AJM1: variants seen among roughly 807,000 people sequenced by gnomAD.
AJM1 encodes apical junction component 1 homolog, also known as uncharacterized protein C9orf172.
In AJM1, 22 loss-of-function variants were observed where a neutral mutation model predicts 43.0. The observed-to-expected ratio is 0.51, with a 90% CI of 0.37 to 0.73. The LOEUF (loss-of-function observed/expected upper bound fraction) is 0.73. Among genes scored for constraint, AJM1 ranks in the 30% least tolerant of loss-of-function variants. The pLI, the probability that AJM1 is intolerant of heterozygous loss-of-function variation, is 0.00. For missense variants in AJM1, 1,305 were observed against 1,343.3 expected, an observed-to-expected ratio of 0.97 and a Z score of 0.45; for synonymous variants, 719 against 638.3, an observed-to-expected ratio of 1.13 and a Z score of -1.91.
chr9:136,842,501 C>T lies in AJM1; in HGVS notation c.-232C>T, dbSNP rs1332656111. On this transcript the variant is annotated 5_prime_UTR_variant, in exon 1 of 3. Transcript: ENST00000436881. The stretch of plus-strand genomic sequence containing the variant: ...GCGCTGCTGCCTGGAAGCTTCTGCC[C>T]GTGCCGGGGACGCAGCAGTGCCGGG... Among the ~76,000 whole-genome samples the T allele has an allele frequency of 1.3e-5, 2 of 152,236 alleles. No homozygotes were observed. Among genetic ancestry groups the T allele is most frequent in the South Asian group, 2.1e-4 (1 of 4,834 alleles).
Position 136,845,914 on chromosome 9 carries a change from C to T in AJM1, c.1500C>T (p.Pro500=), listed in dbSNP as rs1245634269. Residue 500 remains proline (P), a synonymous_variant, in exon 3 of 3, where the codon CCC becomes CCT. Coordinates refer to ENST00000436881, the MANE Select transcript of AJM1 (RefSeq NM_001080482.5). The part of the protein sequence containing the change: ...PPVVVNLSTS[P]RRYAALSLSE... ...TCGTCGTGAACCTGTCCACCTCTCCCAGACGCTACGCCGCACTGTCCCTGT... is the reference window on the plus strand; with the variant it reads ...TCGTCGTGAACCTGTCCACCTCTCCTAGACGCTACGCCGCACTGTCCCTGT... The T allele has an allele frequency of 1.9e-6, 3 of 1,557,572 alleles. No homozygotes were observed. The highest frequency in any genetic ancestry group is 2.6e-6 in the Non-Finnish European group (3 of 1,152,146).
In AJM1 at chr9:136,846,100, C is replaced by A. The variant is rs1326022015; in HGVS notation, c.1686C>A (p.Pro562=). The change falls in exon 3 of 3, where the codon CCC becomes CCA. Residue 562 remains proline, a synonymous_variant. Coordinates refer to ENST00000436881, the MANE Select transcript of AJM1 (RefSeq NM_001080482.5). Reference sequence around the variant, plus strand: ...CCGGGGGCCGCACGCGGCCACCTCCCCACGCGGCCCCCGACGGCCCCACCT... The same window carrying A: ...CCGGGGGCCGCACGCGGCCACCTCCACACGCGGCCCCCGACGGCCCCACCT... ...ELPGGRTRPP[P]HAAPDGPTSG... The A allele has an allele frequency of 6.5e-7, 1 of 1,529,112 alleles. No homozygotes were observed. The highest frequency in any genetic ancestry group is 2.0e-5 in the Admixed American group (1 of 49,476). The allele number at this position is 1,529,112 out of a possible 1,614,324, so 94.7% of individuals were successfully genotyped here. A position where few individuals can be genotyped will look rare whatever the true frequency, so the allele number is the denominator to read the frequency against.
rs752773831 is a variant in AJM1 at position 136,845,528 on chromosome 9, C to T, written c.1114C>T (p.Arg372Cys). 2.5e-6 allele frequency: 4 copies of T among 1,597,596 alleles called. No homozygotes were observed. Among genetic ancestry groups the T allele is most frequent in the Admixed American group, 3.5e-5 (2 of 57,588 alleles). ...PEEPRAHSTA[R>C]PFYTEDFGRY... ...GGAGCCCCGGGCCCACTCCACCGCC[C>T]GCCCCTTTTACACGGAGGACTTCGG... The change falls in exon 3 of 3, where the codon CGC becomes TGC. Residue 372 changes from arginine (R) to cysteine (C), a missense_variant. Around this residue, in one of 6 missense-constraint regions of AJM1, gnomAD observed 653 missense variants for 549.1 expected, o/e 1.19. Transcript: ENST00000436881.
intron 1 of AJM1, among the ~76,000 whole-genome samples, 35 bp from the exon 2 acceptor site, chr9:136,844,161 G>C (rs1036315373): frequency 6.6e-6 from 1 of 152,224 alleles, no homozygotes; most frequent in African/African-American, 2.4e-5. Context: ...GGGACGGGCA[G>C]GACGGGCGCC....
At position 136,846,547 on chromosome 9, in the gene AJM1, G is replaced by A; in HGVS notation, c.2133G>A (p.Val711=). 1 of 1,594,206 alleles carries A rather than the reference G, an allele frequency of 6.3e-7. No individual in the cohort carries two copies. Among genetic ancestry groups the A allele is most frequent in the Non-Finnish European group, 8.5e-7 (1 of 1,177,868 alleles). The part of the protein sequence containing the change: ...EDWDAHKARC[V]YGRVGSVCRH... ...GGGACGCCCACAAGGCGCGCTGCGT[G>A]TACGGCCGCGTGGGCAGCGTGTGCC... The change falls in exon 3 of 3, where the codon GTG becomes GTA. Residue 711 remains valine, a synonymous_variant. Transcript: ENST00000436881.
chr9:136,846,602 G>A lies in AJM1; in HGVS notation c.2188G>A (p.Gly730Ser), dbSNP rs761802107. 5.0e-6 allele frequency: 8 copies of A among 1,591,838 alleles called. No individual in the cohort carries two copies. The highest frequency in any genetic ancestry group is 2.2e-5 in the East Asian group (1 of 44,604). Residue 730 changes from glycine to serine, a missense_variant, in exon 3 of 3, where the codon GGC becomes AGC. This residue lies in a region of AJM1 where 391 missense variants were observed against 507.5 expected (regional missense o/e 0.77). Transcript: ENST00000436881. ...CGTACTGCAGTTTTGCCGCGACAGC[G>A]GCCCGGTGCACCGCGCTTTCTCGCG... is the stretch of plus-strand genomic sequence containing the variant. The part of the protein sequence containing the change: ...RHVLQFCRDS[G>S]PVHRAFSRIA...
chr9:136,844,524 C>T lies in AJM1; in HGVS notation c.110C>T (p.Ala37Val), dbSNP rs1179613569. 1.2e-6 allele frequency: 2 copies of T among 1,608,120 alleles called. No individual in the cohort carries two copies. Among genetic ancestry groups the T allele is most frequent in the Non-Finnish European group, 1.7e-6 (2 of 1,178,436 alleles). ...TGCTCGCCATGTGAGCGATCCGTGG[C>T]CCGGCCTGCTGAGCCCGCGCCTTTC... ...SKCSPCERSVARPAEPAPFNK... is the reference protein window; with the variant it reads ...SKCSPCERSVVRPAEPAPFNK... The change falls in exon 3 of 3, where the codon GCC becomes GTC. Residue 37 changes from alanine to valine, a missense_variant. Physicochemically the swap from Ala to Val is moderately conservative, Grantham distance 64 (BLOSUM62 0). Around this residue, in one of 6 missense-constraint regions of AJM1, gnomAD observed 128 missense variants for 120.6 expected, o/e 1.06. Transcript: ENST00000436881.
Position 136,847,095 on chromosome 9 carries a change from C to G in AJM1, c.2681C>G (p.Ala894Gly), listed in dbSNP as rs1304823347. 9.3e-6 allele frequency: 14 copies of G among 1,512,944 alleles called. No homozygotes were observed. Among genetic ancestry groups the G allele is most frequent in the Non-Finnish European group, 1.2e-5 (14 of 1,131,984 alleles). The allele number at this position is 1,512,944 out of a possible 1,614,324, so 93.7% of individuals were successfully genotyped here. The change falls in exon 3 of 3, where the codon GCG becomes GGG. Residue 894 changes from alanine to glycine, a missense_variant. Physicochemically the swap from Ala to Gly is moderately conservative, Grantham distance 60. Transcript: ENST00000436881. ...CAGGACGGCGAGGCGGGCCGGCGCG[C>G]GCGCGAGGTGGCCTTCATCCACATC... ...LDQDGEAGRR[A>G]REVAFIHIQR...
Position 136,847,499 on chromosome 9 carries a change from A to G in AJM1, c.*154A>G. On this transcript the variant is annotated 3_prime_UTR_variant, in exon 3 of 3. Coordinates refer to ENST00000436881, the MANE Select transcript of AJM1 (RefSeq NM_001080482.5). ...CCGCCTCTAATTCCCCAGCCTTCCAAGCTCCGCTCAGTTCGGCCTCCAGCT... is the reference window on the plus strand; with the variant it reads ...CCGCCTCTAATTCCCCAGCCTTCCAGGCTCCGCTCAGTTCGGCCTCCAGCT... 1 of 597,214 alleles carries G rather than the reference A, an allele frequency of 1.7e-6. No homozygotes were observed. Among genetic ancestry groups the G allele is most frequent in the Non-Finnish European group, 2.7e-6 (1 of 371,560 alleles). 37.0% of individuals were successfully genotyped at this position (597,214 alleles called of 1,614,324 possible).
Position 136,845,802 on chromosome 9 carries a change from TG to T in AJM1, c.1391del (p.Gly464AlafsTer31). The T allele has an allele frequency of 6.4e-7, 1 of 1,569,898 alleles. No individual in the cohort carries two copies. The highest frequency in any genetic ancestry group is 8.6e-7 in the Non-Finnish European group (1 of 1,163,876). ...CCGGGGCCGCGCCGAGAAGACCCGT[TG>T]GGCCGCGGCCGCAGCTACGAGAACC... ...LAPGPRREDP[L>X]GRGRSYENLL... On this transcript the variant is annotated frameshift_variant, in exon 3 of 3. Transcript: ENST00000436881. LOFTEE classifies it high-confidence loss of function.
chr9:136,846,250 A>C lies in AJM1; in HGVS notation c.1836A>C (p.Arg612=). Residue 612 remains arginine, a synonymous_variant, in exon 3 of 3, where the codon CGA becomes CGC. Coordinates refer to ENST00000436881, the MANE Select transcript of AJM1 (RefSeq NM_001080482.5). ...AADCLGPQLR[R]LLDSRPAGSG... Reference sequence around the variant, plus strand: ...ACTGCCTGGGCCCCCAACTGCGCCGACTGCTGGACTCGCGGCCCGCGGGCT... The same window carrying C: ...ACTGCCTGGGCCCCCAACTGCGCCGCCTGCTGGACTCGCGGCCCGCGGGCT... The C allele has an allele frequency of 7.3e-7, 1 of 1,373,480 alleles. No individual in the cohort carries two copies. Among genetic ancestry groups the C allele is most frequent in the Non-Finnish European group, 9.4e-7 (1 of 1,059,136 alleles). The allele number at this position is 1,373,480 out of a possible 1,614,324, so 85.1% of individuals were successfully genotyped here. A position where few individuals can be genotyped will look rare whatever the true frequency, so the allele number is the denominator to read the frequency against.
chr9:136,846,882 G>A lies in AJM1; in HGVS notation c.2468G>A (p.Gly823Asp), dbSNP rs1304017095. The change falls in exon 3 of 3, where the codon GGC becomes GAC. Residue 823 changes from glycine (G) to aspartate (D), a missense_variant. Transcript: ENST00000436881. ...AGCGTGTCCGTGGCCGTGGGACCCGGCACCGCGCCACCGGGGACACCGGCC... is the reference window on the plus strand; with the variant it reads ...AGCGTGTCCGTGGCCGTGGGACCCGACACCGCGCCACCGGGGACACCGGCC... Reference protein sequence around the residue: ...LLSVSVAVGPGTAPPGTPALP... With the variant: ...LLSVSVAVGPDTAPPGTPALP... The A allele has an allele frequency of 2.6e-6, 4 of 1,539,566 alleles. No homozygotes were observed.
rs2131218021 is a variant in AJM1 at position 136,846,300 on chromosome 9, C to T, written c.1886C>T (p.Pro629Leu). ...AGSGAPALAP[P>L]RSPPASAGSA... Reference sequence around the variant, plus strand: ...TCCGGGGCCCCCGCGCTGGCGCCGCCACGCTCGCCCCCCGCCTCGGCCGGC... The same window carrying T: ...TCCGGGGCCCCCGCGCTGGCGCCGCTACGCTCGCCCCCCGCCTCGGCCGGC... The change falls in exon 3 of 3, where the codon CCA becomes CTA. Residue 629 changes from proline (P) to leucine (L), a missense_variant. By Grantham distance (98) the Pro-to-Leu change is moderately conservative. Coordinates refer to ENST00000436881, the MANE Select transcript of AJM1 (RefSeq NM_001080482.5). 2 of 1,168,200 alleles carry T rather than the reference C, an allele frequency of 1.7e-6. No individual in the cohort carries two copies. The highest frequency in any genetic ancestry group is 2.1e-6 in the Non-Finnish European group (2 of 932,074). The allele number at this position is 1,168,200 out of a possible 1,614,324, so 72.4% of individuals were successfully genotyped here. A position where few individuals can be genotyped will look rare whatever the true frequency, so the allele number is the denominator to read the frequency against.
Position 136,845,489 on chromosome 9 carries a change from C to G in AJM1, c.1075C>G (p.Arg359Gly). Reference protein sequence around the residue: ...PRAYGLPYGPRYVPEEPRAHS... With the variant: ...PRAYGLPYGPGYVPEEPRAHS... ...AGCCTACGGCCTGCCCTACGGGCCC[C>G]GCTATGTCCCCGAGGAGCCCCGGGC... The change falls in exon 3 of 3, where the codon CGC becomes GGC. Residue 359 changes from arginine (R) to glycine (G), a missense_variant. By Grantham distance (125) the Arg-to-Gly change is moderately radical (BLOSUM62 -2). Coordinates refer to ENST00000436881, the MANE Select transcript of AJM1 (RefSeq NM_001080482.5). The G allele has an allele frequency of 1.2e-6, 2 of 1,605,464 alleles. No individual in the cohort carries two copies. The highest frequency in any genetic ancestry group is 1.7e-6 in the Non-Finnish European group (2 of 1,176,932).
In AJM1 at chr9:136,847,282, C is replaced by T; in HGVS notation, c.2868C>T (p.Ala956=). The T allele has an allele frequency of 6.4e-7, 1 of 1,568,778 alleles. No individual in the cohort carries two copies. Among genetic ancestry groups the T allele is most frequent in the South Asian group, 1.2e-5 (1 of 86,718 alleles). ...GCCCCTTCATGTGCATGATCATGGC[C>T]GCCTCCGAGCCGCGCGCGCTCGACT... The part of the protein sequence containing the change: ...TGRPFMCMIM[A]ASEPRALDWV... Residue 956 remains alanine, a synonymous_variant, in exon 3 of 3, where the codon GCC becomes GCT. Coordinates refer to ENST00000436881, the MANE Select transcript of AJM1 (RefSeq NM_001080482.5).
Position 136,845,137 on chromosome 9 carries a change from C to A in AJM1, c.723C>A (p.Pro241=). 2 of 1,567,082 alleles carry A rather than the reference C, an allele frequency of 1.3e-6. No individual in the cohort carries two copies. The highest frequency in any genetic ancestry group is 1.7e-6 in the Non-Finnish European group (2 of 1,155,902). Residue 241 remains proline (P), a synonymous_variant, in exon 3 of 3, where the codon CCC becomes CCA. Transcript: ENST00000436881. The stretch of plus-strand genomic sequence containing the variant: ...TGGCGCTGTCGCGCACCCCGACGCC[C>A]AGCGACTCATACTGTGCGGATCCCC... ...RHMALSRTPT[P]SDSYCADPRA...
chr9:136,845,753 C>A lies in AJM1; in HGVS notation c.1339C>A (p.Arg447Ser). The A allele has an allele frequency of 6.3e-7, 1 of 1,579,788 alleles. No homozygotes were observed. The highest frequency in any genetic ancestry group is 1.3e-5 in the African/African-American group (1 of 74,412). Residue 447 changes from arginine to serine, a missense_variant, in exon 3 of 3, where the codon CGC becomes AGC. This residue lies in a region of AJM1 where 653 missense variants were observed against 549.1 expected (regional missense o/e 1.19). Transcript: ENST00000436881. Reference protein sequence around the residue: ...RLATDSRHYSRSWDNILAPGP... With the variant: ...RLATDSRHYSSSWDNILAPGP... ...GGCCACCGACAGCCGCCACTACTCG[C>A]GCTCCTGGGACAACATTCTGGCCCC...
chr9:136,844,149 G>A (rs1848735968), intron 1 of AJM1, among the ~76,000 whole-genome samples, 47 bp from the exon 2 acceptor site: 2 of 152,212 alleles, frequency 1.3e-5, no homozygotes, highest in African/African-American at 4.8e-5. Flanking sequence ...GGAGAGGACG[G>A]GGGGACGGGC....
chr9:136,843,897 C>G (rs1230391482), intron 1 of AJM1, among the ~76,000 whole-genome samples: 4 of 152,184 alleles, frequency 2.6e-5, no homozygotes, highest in African/African-American at 7.2e-5. Context: ...TCACTGACGT[C>G]TCCTGGGGCA....
Sources: allele counts gnomAD v4.1 joint callset (sites outside exome capture counted in the v4.1 genomes callset), GRCh38; gene constraint gnomAD v4.1.1; regional missense constraint gnomAD v4.1.1; transcripts MANE v1.5; gene names NCBI Gene and HGNC (gene_info 2026-07-23, HGNC 2026-07-21).